FBXW11: variants seen among roughly 807,000 people sequenced by gnomAD.
FBXW11 encodes the protein F-box and WD repeat domain containing 11, also known as F-box/WD repeat-containing protein 11.
Under a neutral mutation model 77.6 loss-of-function variants are expected in FBXW11, and 19 were observed. The ratio of observed to expected loss-of-function variants is 0.24; its 90% CI spans 0.17 to 0.36. FBXW11 has a LOEUF of 0.36. Ranked by LOEUF, FBXW11 falls within the 10% of genes least tolerant of loss-of-function variation. The pLI is 1.00. For missense variants in FBXW11, 334 were observed against 704.2 expected (o/e 0.47, Z 5.95); for synonymous variants, 235 against 249.4 (o/e 0.94, Z 0.54).
intron 2 of FBXW11, among the ~76,000 whole-genome samples, chr5:171,948,954 G>C (rs115445704): frequency 1.3e-5 from 2 of 152,168 alleles, no homozygotes; most frequent in African/African-American, 4.8e-5. Flanking sequence ...TGCAGGCATT[G>C]TGTTATCATT....
chr5:171,906,953 C>G (rs187385162), intron 4 of FBXW11, among the ~76,000 whole-genome samples: 1 of 152,340 alleles, frequency 6.6e-6, no homozygotes, highest in East Asian at 1.9e-4. Flanking sequence ...CAGGGCCAGA[C>G]AGCCAAGTGT....
At chr5:171,948,804 C>T (rs190545397) in intron 2 of FBXW11, among the ~76,000 whole-genome samples, 1 of 152,274 alleles carries the variant, frequency 6.6e-6, no homozygotes, top group Non-Finnish European at 1.5e-5. Context: ...TCAAATTATA[C>T]TGTGAAACCT....
intron 2 of FBXW11, among the ~76,000 whole-genome samples, chr5:171,937,059 G>C (rs1325911009): frequency 6.6e-6 from 1 of 152,170 alleles, no homozygotes; most frequent in Non-Finnish European, 1.5e-5. Context: ...TTAATTCTTT[G>C]ACAGGTTTCT....
chr5:171,931,526 T>A lies in FBXW11; in HGVS notation c.148-17121A>T, dbSNP rs181791602. Among the ~76,000 whole-genome samples the A allele has an allele frequency of 1.5e-3, 228 of 151,848 alleles. 3 individuals are homozygous for A. The highest frequency in any genetic ancestry group is 0.01 in the South Asian group (50 of 4,826). On this transcript the variant is annotated intron_variant, in intron 2 of 13. Transcript: ENST00000517395. ...ACACATTTCACAAAAATTAACTGAA[T>A]ACAGATTACAAGCCTAAATGGAAAA...
chr5:171,875,502 A>G (rs1353880625), intron 9 of FBXW11, among the ~76,000 whole-genome samples: 4 of 152,188 alleles, frequency 2.6e-5, no homozygotes, highest in African/African-American at 9.6e-5. Flanking sequence ...CGCGATGAAA[A>G]TGTTCTGGAA....
chr5:172,006,437 G>T, intron 1 of FBXW11, 21 bp downstream of exon 1: 1 of 1,531,670 alleles, frequency 6.5e-7, no homozygotes. Flanking sequence ...AAGCACAGAC[G>T]GTCCAGCGGG....
At chr5:172,003,357 G>C (rs115462694) in intron 1 of FBXW11, 2 of 152,136 alleles carry the variant, frequency 1.3e-5, no homozygotes, top group Non-Finnish European at 2.9e-5. Flanking sequence ...TAAATACCAC[G>C]TGATACATAT....
At chr5:171,968,231 C>A (rs561407031) in intron 1 of FBXW11, among the ~76,000 whole-genome samples, 3 of 151,780 alleles carry the variant, frequency 2.0e-5, no homozygotes, top group Non-Finnish European at 4.4e-5. Context: ...CCGAGGTGGG[C>A]GGATCACGAG....
At chr5:171,878,553 A>AGAGTGTGTGTGTGT (rs879378029) in intron 7 of FBXW11, among the ~76,000 whole-genome samples, 2 of 105,492 alleles carry the variant, frequency 1.9e-5, no homozygotes, top group African/African-American at 7.3e-5. Flanking sequence ...TCTCCATAAG[A>AGAGTGTGTGTGTGT]GTGTGTGAGT....
intron 1 of FBXW11, among the ~76,000 whole-genome samples, chr5:171,969,279 C>A (rs755477225): frequency 2.6e-5 from 4 of 151,488 alleles, no homozygotes; most frequent in Non-Finnish European, 4.4e-5. Flanking sequence ...CATCACCCCC[C>A]AAAAAAAAGA....
At chr5:171,931,112 T>C (rs781059998) in intron 2 of FBXW11, among the ~76,000 whole-genome samples, 8 of 152,204 alleles carry the variant, frequency 5.3e-5, no homozygotes, top group Non-Finnish European at 1.0e-4. Context: ...ACTGGATCTA[T>C]AGATTCAATA....
intron 1 of FBXW11, among the ~76,000 whole-genome samples, chr5:171,974,219 G>A (rs1344548369): frequency 1.3e-5 from 2 of 152,110 alleles, no homozygotes; most frequent in East Asian, 1.9e-4. Flanking sequence ...CGAATCACCT[G>A]AGGTCAGGAG....
chr5:171,917,016 C>T (rs1761300453), intron 2 of FBXW11, among the ~76,000 whole-genome samples: 1 of 152,104 alleles, frequency 6.6e-6, no homozygotes, highest in African/African-American at 2.4e-5. Flanking sequence ...CACCTCCCGG[C>T]TTCAAGCGAT....
intron 1 of FBXW11, among the ~76,000 whole-genome samples, chr5:171,986,992 C>T (rs889946386): frequency 6.6e-6 from 1 of 152,190 alleles, no homozygotes; most frequent in Non-Finnish European, 1.5e-5. Context: ...ATGATCAGCC[C>T]AGGCATTAGA....
chr5:171,947,303 A>G (rs534132238), intron 2 of FBXW11, among the ~76,000 whole-genome samples: 2 of 152,336 alleles, frequency 1.3e-5, no homozygotes, highest in East Asian at 1.9e-4. Flanking sequence ...GTGTTTTCCT[A>G]TATTTCCCAG....
chr5:171,961,257 A>T (rs1431348090), intron 1 of FBXW11, among the ~76,000 whole-genome samples: 1 of 152,200 alleles, frequency 6.6e-6, no homozygotes, highest in Non-Finnish European at 1.5e-5. Flanking sequence ...AATATCTACT[A>T]ATCAGAAGTC....
chr5:171,929,900 T>C (rs1762081683), intron 2 of FBXW11, among the ~76,000 whole-genome samples: 1 of 151,992 alleles, frequency 6.6e-6, no homozygotes, highest in Non-Finnish European at 1.5e-5. Context: ...TGATGGGATA[T>C]TAGTGAATTC....
intron 1 of FBXW11, among the ~76,000 whole-genome samples, chr5:171,964,060 G>C (rs1329429980): frequency 6.6e-6 from 1 of 152,216 alleles, no homozygotes; most frequent in Non-Finnish European, 1.5e-5. Flanking sequence ...CTTGGCAGCT[G>C]CAGCCAAGCA....
intron 2 of FBXW11, among the ~76,000 whole-genome samples, chr5:171,952,384 ATG>A (rs1395100424): frequency 3.3e-5 from 4 of 122,826 alleles, no homozygotes; most frequent in African/African-American, 1.2e-4. Flanking sequence ...ATACACATAT[ATG>A]TGTGTGTATA....
Sources: gnomAD v4.1 joint callset for allele counts (sites outside exome capture counted in the v4.1 genomes callset) on GRCh38, gnomAD v4.1.1 for gene constraint, MANE v1.5 for transcripts, NCBI Gene and HGNC (gene_info 2026-07-23, HGNC 2026-07-21) for gene names.